The following DHRS9 variants were observed in gnomAD, a reference collection of about 807,000 sequenced individuals.
DHRS9 encodes the protein dehydrogenase/reductase SDR family member 9.
In DHRS9, 18 loss-of-function variants were observed where a neutral mutation model predicts 26.6. That is an observed-to-expected ratio of 0.68 (90% CI 0.47 to 1.00). The LOEUF (loss-of-function observed/expected upper bound fraction) is 1.00. DHRS9 is among the 50% of genes least tolerant of loss of function. DHRS9 has a pLI of 0.00. For missense variants in DHRS9, 425 were observed against 378.7 expected (o/e 1.12, Z -1.01); for synonymous variants, 134 against 141.1 (o/e 0.95, Z 0.36).
intron 3 of DHRS9, among the ~76,000 whole-genome samples, chr2:169,091,541 C>T (rs1408668997): frequency 1.3e-5 from 2 of 152,184 alleles, no homozygotes; most frequent in Admixed American, 1.3e-4. Context: ...CTAGGAAGAA[C>T]AACAGTGGAC....
intron 1 of DHRS9, 100 bp from the exon 2 acceptor site, chr2:169,081,423 A>G (rs890274391): frequency 1.7e-5 from 23 of 1,338,402 alleles, no homozygotes; most frequent in Non-Finnish European, 2.1e-5. Flanking sequence ...CTTTCTATTT[A>G]TCCACACTAA....
Position 169,095,924 on chromosome 2 carries a change from T to A in DHRS9, c.*157T>A. The A allele has an allele frequency of 1.5e-6, 1 of 679,296 alleles. No individual in the cohort carries two copies. Among genetic ancestry groups the A allele is most frequent in the South Asian group, 1.9e-5 (1 of 51,900 alleles). 42.1% of individuals were successfully genotyped at this position (679,296 alleles called of 1,614,324 possible). ...GGGAGTCCCACCATCGCTGGTGGTA[T>A]CCCAGGGTCCCTGCTCAAGTTTTCT... is the stretch of plus-strand genomic sequence containing the variant. On this transcript the variant is annotated 3_prime_UTR_variant, in exon 5 of 5. Coordinates refer to ENST00000674881, the MANE Select transcript of DHRS9 (RefSeq NM_001376924.1).
intron 4 of DHRS9, 96 bp from the exon 5 acceptor site, chr2:169,095,448 T>A (rs1684662735): frequency 1.1e-6 from 1 of 940,212 alleles, no homozygotes; most frequent in Non-Finnish European, 1.7e-6. Flanking sequence ...CAATTCAGAA[T>A]AAATCCCCTT....
At chr2:169,073,040 G>A (rs746293304) in intron 1 of DHRS9, among the ~76,000 whole-genome samples, 1 of 152,206 alleles carries the variant, frequency 6.6e-6, no homozygotes, top group Non-Finnish European at 1.5e-5. Context: ...CAGCGATTCA[G>A]AGGTCTCAAA....
upstream of DHRS9, among the ~76,000 whole-genome samples, chr2:169,068,406 G>A (rs1476633088): frequency 6.6e-6 from 1 of 152,080 alleles, no homozygotes; most frequent in African/African-American, 2.4e-5. Context: ...TGGCTCACAC[G>A]CAACTTGGCC....
rs1246351634 is a variant in DHRS9 at position 169,085,561 on chromosome 2, C to A, written c.572+1974C>A. On this transcript the variant is annotated intron_variant, in intron 3 of 4. Coordinates refer to ENST00000674881, the MANE Select transcript of DHRS9 (RefSeq NM_001376924.1). ...GAGCTCTCATTTCTTTAAGTTAACT[C>A]CTAGGCATTTTATTTTATTTTTAAC... Among the ~76,000 whole-genome samples, 8 of 152,060 alleles carry A rather than the reference C, an allele frequency of 5.3e-5. No individual in the cohort carries two copies. The East Asian group carries it at 5.8e-4, about 11-fold the overall frequency.
chr2:169,073,383 G>T (rs897110138), intron 1 of DHRS9, among the ~76,000 whole-genome samples: 1 of 152,222 alleles, frequency 6.6e-6, no homozygotes, highest in African/African-American at 2.4e-5. Flanking sequence ...AATATTTATA[G>T]ATCCTAGGAA....
At chr2:169,071,962 G>T (rs1683819141) in intron 1 of DHRS9, among the ~76,000 whole-genome samples, 1 of 136,762 alleles carries the variant, frequency 7.3e-6, no homozygotes, top group African/African-American at 2.8e-5. Flanking sequence ...AGGTTCCAGT[G>T]TTCATTTTTT....
intron 2 of DHRS9, 111 bp from the exon 3 acceptor site, chr2:169,083,218 T>G: frequency 1.5e-6 from 2 of 1,369,210 alleles, no homozygotes; most frequent in African/African-American, 1.4e-5. Context: ...AGTAGGAAAA[T>G]GACTTCAAGG....
At chr2:169,075,175 T>C (rs1405649899) in intron 1 of DHRS9, among the ~76,000 whole-genome samples, 1 of 152,186 alleles carries the variant, frequency 6.6e-6, no homozygotes. Flanking sequence ...AGTAGCCTAA[T>C]AAAATCTTTT....
chr2:169,079,294 C>A (rs1283006055), intron 1 of DHRS9, among the ~76,000 whole-genome samples: 1 of 151,688 alleles, frequency 6.6e-6, no homozygotes, highest in Non-Finnish European at 1.5e-5. Context: ...GTTTCTCAAA[C>A]AGCAGTAAAA....
rs1488373588 is a variant in DHRS9 at position 169,083,504 on chromosome 2, C to T, written c.489C>T (p.Ser163=). ...KKAQGRVINV[S]SVGGRLAIVG... The stretch of plus-strand genomic sequence containing the variant: ...CTCAAGGGAGAGTTATTAATGTCTC[C>T]AGTGTTGGAGGTCGCCTTGCAATCG... Residue 163 remains serine (S), a synonymous_variant, in exon 3 of 5, where the codon TCC becomes TCT. Coordinates refer to ENST00000674881, the MANE Select transcript of DHRS9 (RefSeq NM_001376924.1). 3.1e-6 allele frequency: 5 copies of T among 1,613,924 alleles called. No individual in the cohort carries two copies. The highest frequency in any genetic ancestry group is 4.2e-6 in the Non-Finnish European group (5 of 1,179,998).
At chr2:169,086,336 A>G (rs1161929483) in intron 3 of DHRS9, among the ~76,000 whole-genome samples, 3 of 151,916 alleles carry the variant, frequency 2.0e-5, no homozygotes, top group Non-Finnish European at 4.4e-5. Flanking sequence ...GATTCTTTTT[A>G]ATTATTTGTC....
chr2:169,075,739 T>C (rs1683943918), intron 1 of DHRS9, among the ~76,000 whole-genome samples: 1 of 152,214 alleles, frequency 6.6e-6, no homozygotes, highest in African/African-American at 2.4e-5. Flanking sequence ...GCCATATATT[T>C]AGAAGCACTG....
chr2:169,067,342 G>T, upstream of DHRS9: 1 of 1,509,824 alleles, frequency 6.6e-7, no homozygotes, highest in South Asian at 1.2e-5. Flanking sequence ...TGGTGTAGTT[G>T]CAGGAAGCCT....
chr2:169,095,998 G>C lies in DHRS9; in HGVS notation c.*231G>C, dbSNP rs1178424408. ...ACATCACATAGGCAAGTCCTGCCCT[G>C]TATTTAGGCTTTGCCTGCTTGGTGT... On this transcript the variant is annotated 3_prime_UTR_variant, in exon 5 of 5. Coordinates refer to ENST00000674881, the MANE Select transcript of DHRS9 (RefSeq NM_001376924.1). The C allele has an allele frequency of 1.8e-6, 1 of 551,388 alleles. No individual in the cohort carries two copies. Among genetic ancestry groups the C allele is most frequent in the Non-Finnish European group, 3.2e-6 (1 of 307,974 alleles). 34.2% of individuals were successfully genotyped at this position (551,388 alleles called of 1,614,324 possible). A position where few individuals can be genotyped will look rare whatever the true frequency, so the allele number is the denominator to read the frequency against.
intron 1 of DHRS9, among the ~76,000 whole-genome samples, chr2:169,078,565 T>C (rs1684035413): frequency 6.6e-6 from 1 of 152,210 alleles, no homozygotes; most frequent in Non-Finnish European, 1.5e-5. Flanking sequence ...GAGTTAGTTA[T>C]ACCACTTCCC....
intron 1 of DHRS9, chr2:169,081,103 T>C (rs1684166636): frequency 1.0e-6 from 1 of 986,242 alleles, no homozygotes; most frequent in Non-Finnish European, 1.2e-6. Context: ...TTATTGTTTC[T>C]AATAGATTTT....
rs570100949 is a variant in DHRS9, at chr2:169,094,985, G to A, written c.737-559G>A. On this transcript the variant is annotated intron_variant, in intron 4 of 4. Transcript: ENST00000674881. ...CTCTCTTTATTTACAGATTATAGAA[G>A]CCTATACAAGTATACAAGTGCACAA... is the stretch of plus-strand genomic sequence containing the variant. Among the ~76,000 whole-genome samples, 293 of 147,018 alleles carry A rather than the reference G, an allele frequency of 2.0e-3. 2 individuals carry two copies. Among genetic ancestry groups the A allele is most frequent in the Non-Finnish European group, 2.2e-3 (142 of 64,928 alleles).
Sources: allele counts gnomAD v4.1 joint callset (sites outside exome capture counted in the v4.1 genomes callset), GRCh38; gene constraint gnomAD v4.1.1; transcripts MANE v1.5; gene names NCBI Gene and HGNC (gene_info 2026-07-23, HGNC 2026-07-21).